GPR141: variants seen among roughly 807,000 people sequenced by gnomAD.
GPR141 encodes G protein-coupled receptor 141, also known as probable G protein-coupled receptor 141.
A neutral mutation model predicts 6.8 loss-of-function variants in GPR141; 6 were observed. That is an observed-to-expected ratio of 0.88 (90% CI 0.48 to 1.74). The LOEUF (loss-of-function observed/expected upper bound fraction) is 1.74, where lower values mean the gene tolerates loss of function less well. Ranked by LOEUF, GPR141 falls within the 40% of genes most tolerant of loss-of-function variation. The probability of loss-of-function intolerance (pLI) is 0.01; values close to 1 mark genes in which losing one functional copy is unlikely to be tolerated. For synonymous variants in GPR141, 140 were observed against 142.3 expected (o/e 0.98, Z 0.11); for missense variants, 372 against 372.9 (o/e 1.00, Z 0.02).
rs1375756527 is a variant in GPR141, at chr7:37,741,491, G to A, written c.*180G>A. On this transcript the variant is annotated 3_prime_UTR_variant, in exon 3 of 3. Transcript: ENST00000334425. Reference sequence around the variant, plus strand: ...CTTATGGGATCCCTCCCATCTCTGAGTGATGGCCGTACAAAGACCAGTGTT... The same window carrying A: ...CTTATGGGATCCCTCCCATCTCTGAATGATGGCCGTACAAAGACCAGTGTT... 12 of 546,080 alleles carry A rather than the reference G, an allele frequency of 2.2e-5. No individual in the cohort carries two copies. The highest frequency in any genetic ancestry group is 1.2e-4 in the East Asian group (4 of 33,586). The allele number at this position is 546,080 out of a possible 1,614,324, so 33.8% of individuals were successfully genotyped here. A position where few individuals can be genotyped will look rare whatever the true frequency, so the allele number is the denominator to read the frequency against.
intron 2 of GPR141, among the ~76,000 whole-genome samples, chr7:37,686,443 A>G (rs1450185): frequency 0.35 from 52,743 of 152,032 alleles, 9,298 homozygotes; most frequent in Middle Eastern, 0.39. Context: ...GTCCCATCTT[A>G]TTTTGAATGA....
intron 2 of GPR141, among the ~76,000 whole-genome samples, chr7:37,720,030 T>G (rs1000665524): frequency 6.6e-6 from 1 of 152,096 alleles, no homozygotes; most frequent in Non-Finnish European, 1.5e-5. Flanking sequence ...GTGACCAGTC[T>G]TGGAGGGTTA....
intron 2 of GPR141, among the ~76,000 whole-genome samples, chr7:37,727,416 G>A (rs559083850): frequency 6.6e-6 from 1 of 152,154 alleles, no homozygotes; most frequent in East Asian, 1.9e-4. Context: ...CTCATTGATT[G>A]TGTGGTTTGG....
chr7:37,706,872 C>T (rs577349360), intron 2 of GPR141, among the ~76,000 whole-genome samples: 1 of 152,270 alleles, frequency 6.6e-6, no homozygotes, highest in South Asian at 2.1e-4. Flanking sequence ...TGCAAATAGC[C>T]TGGGCATGGA....
intron 2 of GPR141, among the ~76,000 whole-genome samples, chr7:37,687,681 C>T (rs1809570996): frequency 6.6e-6 from 1 of 151,988 alleles, no homozygotes; most frequent in Admixed American, 6.6e-5. Context: ...AAGCTTAGTC[C>T]CCTCTCTGAG....
chr7:37,705,849 A>G (rs1810500413), intron 2 of GPR141, among the ~76,000 whole-genome samples: 1 of 152,202 alleles, frequency 6.6e-6, no homozygotes, highest in South Asian at 2.1e-4. Context: ...TTGATGCATC[A>G]ATCCGGATGC....
intron 2 of GPR141, among the ~76,000 whole-genome samples, chr7:37,700,070 C>T (rs1459850830): frequency 6.6e-6 from 1 of 152,198 alleles, no homozygotes; most frequent in African/African-American, 2.4e-5. Flanking sequence ...AATTTGTCCT[C>T]AGTCATCCAG....
chr7:37,693,858 G>T lies in GPR141; in HGVS notation c.-15+8275G>T, dbSNP rs113352062. 7.9e-3 allele frequency among the ~76,000 whole-genome samples: 1,198 copies of T among 152,252 alleles called. 23 individuals carry two copies. Among genetic ancestry groups the T allele is most frequent in the African/African-American group, 0.027 (1,124 of 41,520 alleles). On this transcript the variant is annotated intron_variant, in intron 2 of 2. Coordinates refer to ENST00000334425, the MANE Select transcript of GPR141 (RefSeq NM_001381946.1). ...GCCACTGCTGTTTCCCTTGGATGTA[G>T]GGTGTCATGTCAGTTCAGCCTTAGA...
At chr7:37,699,302 C>A (rs1810165265) in intron 2 of GPR141, among the ~76,000 whole-genome samples, 1 of 152,184 alleles carries the variant, frequency 6.6e-6, no homozygotes. Flanking sequence ...TGGCTCACAC[C>A]TGTAATCCCA....
intron 2 of GPR141, among the ~76,000 whole-genome samples, chr7:37,738,729 G>A (rs1310283902): frequency 6.6e-6 from 1 of 151,980 alleles, no homozygotes; most frequent in African/African-American, 2.4e-5. Flanking sequence ...AATTCAATGA[G>A]CTTTGATGAA....
At chr7:37,723,445 A>T (rs1281251718) in intron 2 of GPR141, among the ~76,000 whole-genome samples, 1 of 152,084 alleles carries the variant, frequency 6.6e-6, no homozygotes, top group Non-Finnish European at 1.5e-5. Flanking sequence ...GGCACGGAAG[A>T]TGAGCAAGCA....
intron 2 of GPR141, among the ~76,000 whole-genome samples, chr7:37,696,740 A>G (rs1583526088): frequency 6.6e-6 from 1 of 152,120 alleles, no homozygotes; most frequent in African/African-American, 2.4e-5. Context: ...TCTTTATGCT[A>G]TGTGATGGCC....
chr7:37,740,597 A>G lies in GPR141; in HGVS notation c.204A>G (p.Thr68=), dbSNP rs749500722. ...TGGTCCACAGCGTTTTTCTGCTGAC[A>G]GTGCCATTTCGCTTGACCTACCTCA... The part of the protein sequence containing the change: ...LVVVHSVFLL[T]VPFRLTYLIK... Residue 68 remains threonine, a synonymous_variant, in exon 3 of 3, where the codon ACA becomes ACG. Transcript: ENST00000334425. The G allele has an allele frequency of 4.3e-6, 7 of 1,613,990 alleles. No individual in the cohort carries two copies. The African/African-American group carries it at 6.7e-5, about 15-fold the overall frequency.
rs1375763099 is a variant in GPR141, at chr7:37,712,505, T to C, written c.-15+26922T>C. Among the ~76,000 whole-genome samples, 4 of 152,086 alleles carry C rather than the reference T, an allele frequency of 2.6e-5. No homozygotes were observed. In the East Asian group the frequency reaches 7.7e-4, roughly 29 times the overall value. ...TGGACTAATGATGCTAGACTGATAT[T>C]TACTCCTCACACTACCTGCCCCTCT... On this transcript the variant is annotated intron_variant, in intron 2 of 2. Transcript: ENST00000334425.
chr7:37,740,722 T>G lies in GPR141; in HGVS notation c.329T>G (p.Leu110Arg). 2 of 1,613,608 alleles carry G rather than the reference T, an allele frequency of 1.2e-6. No individual in the cohort carries two copies. Among genetic ancestry groups the G allele is most frequent in the Non-Finnish European group, 1.7e-6 (2 of 1,179,478 alleles). ...ACGTTCCTATTCTATGTGGTGATCC[T>G]GGTCACCAGATACCTCATCTTCTTC... is the stretch of plus-strand genomic sequence containing the variant. ...YLTFLFYVVI[L>R]VTRYLIFFKC... The change falls in exon 3 of 3, where the codon CTG becomes CGG. Residue 110 changes from leucine (L) to arginine (R), a missense_variant. Transcript: ENST00000334425.
At chr7:37,699,006 A>G (rs1197551745) in intron 2 of GPR141, among the ~76,000 whole-genome samples, 4 of 152,222 alleles carry the variant, frequency 2.6e-5, no homozygotes, top group Non-Finnish European at 5.9e-5. Flanking sequence ...TGAAACTCCC[A>G]GTCTGGTGTG....
Position 37,740,533 on chromosome 7 carries a change from C to A in GPR141, c.140C>A (p.Thr47Asn). The A allele has an allele frequency of 6.2e-7, 1 of 1,614,058 alleles. No homozygotes were observed. Among genetic ancestry groups the A allele is most frequent in the Non-Finnish European group, 8.5e-7 (1 of 1,179,976 alleles). Residue 47 changes from threonine to asparagine, a missense_variant, in exon 3 of 3, where the codon ACC (threonine) becomes AAC (asparagine). Transcript: ENST00000334425. ...CTTTTCCTCCTGGTGAAAATGAACA[C>A]CCGGTCAGTGACCACCATGGCGGTC... ...SILFLLVKMN[T>N]RSVTTMAVIN... is the part of the protein sequence containing the mutation.
intron 2 of GPR141, among the ~76,000 whole-genome samples, chr7:37,722,444 G>A (rs1406449126): frequency 6.0e-5 from 9 of 150,080 alleles, no homozygotes; most frequent in Admixed American, 2.7e-4. Flanking sequence ...AAAAAAAGCC[G>A]GGCACAGTAG....
intron 2 of GPR141, among the ~76,000 whole-genome samples, chr7:37,729,015 C>T (rs1344847257): frequency 6.6e-6 from 1 of 152,068 alleles, no homozygotes; most frequent in Non-Finnish European, 1.5e-5. Context: ...CCTAGAGAAA[C>T]AAGAAGCAAG....
Sources: gnomAD v4.1 joint callset for allele counts (sites outside exome capture counted in the v4.1 genomes callset) on GRCh38, gnomAD v4.1.1 for gene constraint, MANE v1.5 for transcripts, NCBI Gene and HGNC (gene_info 2026-07-23, HGNC 2026-07-21) for gene names.